MS4A14: variants seen among roughly 807,000 people sequenced by gnomAD.
MS4A14 encodes the protein membrane-spanning 4-domains subfamily A member 14.
In MS4A14, 18 loss-of-function variants were observed where a neutral mutation model predicts 16.7. That is an observed-to-expected ratio of 1.08 (90% CI 0.75 to 1.60). The LOEUF (loss-of-function observed/expected upper bound fraction) is 1.60, where lower values mean the gene tolerates loss of function less well. MS4A14 is among the 40% of genes most tolerant of loss of function. The pLI is 0.00. For synonymous variants in MS4A14, 305 were observed against 289.4 expected, an observed-to-expected ratio of 1.05 and a Z score of -0.55; for missense variants, 812 against 775.3, an observed-to-expected ratio of 1.05 and a Z score of -0.56.
At chr11:60,406,919 G>A (rs1447143851) in intron 4 of MS4A14, among the ~76,000 whole-genome samples, 2 of 144,542 alleles carry the variant, frequency 1.4e-5, no homozygotes, top group Non-Finnish European at 3.0e-5. Flanking sequence ...ACAGAAATAT[G>A]TTTTTGAGAG....
chr11:60,403,127 G>T (rs758334054), intron 4 of MS4A14, 66 bp downstream of exon 4: 2 of 1,496,874 alleles, frequency 1.3e-6, no homozygotes, highest in Non-Finnish European at 9.3e-7. Context: ...ATGATGTAAT[G>T]ATTCACTGAT....
chr11:60,406,154 A>C (rs1430487201), intron 4 of MS4A14, among the ~76,000 whole-genome samples: 1 of 152,200 alleles, frequency 6.6e-6, no homozygotes, highest in Non-Finnish European at 1.5e-5. Context: ...TTAAGATTGA[A>C]GCTCACCCCA....
chr11:60,404,978 A>G (rs147274020), intron 4 of MS4A14, among the ~76,000 whole-genome samples: 100 of 152,318 alleles, frequency 6.6e-4, no homozygotes, highest in African/African-American at 2.2e-3. Flanking sequence ...TTTCAGTTTT[A>G]CCAACAAATA....
chr11:60,401,372 G>A (rs755725791), intron 3 of MS4A14, among the ~76,000 whole-genome samples: 19 of 152,198 alleles, frequency 1.2e-4, no homozygotes, highest in Non-Finnish European at 2.5e-4. Flanking sequence ...GGAAATACAT[G>A]CAGACAATGC....
rs2085652263 is a variant in MS4A14 at position 60,397,887 on chromosome 11, C to T, written c.174C>T (p.Gly58=). The part of the protein sequence containing the change: ...TQILLALIIV[G]FGTIFALNYI... Reference sequence around the variant, plus strand: ...TCCTGCTTGCTCTAATCATTGTGGGCTTTGGAACTATATTTGCACTTAATT... The same window carrying T: ...TCCTGCTTGCTCTAATCATTGTGGGTTTTGGAACTATATTTGCACTTAATT... The change falls in exon 2 of 5, where the codon GGC becomes GGT. Residue 58 remains glycine (G), a synonymous_variant. Transcript: ENST00000300187. 1 of 1,613,050 alleles carries T rather than the reference C, an allele frequency of 6.2e-7. No homozygotes were observed. Among genetic ancestry groups the T allele is most frequent in the Admixed American group, 1.7e-5 (1 of 59,980 alleles).
At chr11:60,399,754 T>A (rs1285904807) in intron 2 of MS4A14, among the ~76,000 whole-genome samples, 1 of 152,016 alleles carries the variant, frequency 6.6e-6, no homozygotes, top group African/African-American at 2.4e-5. Flanking sequence ...GGCAATCCAA[T>A]GTGGGGAGTG....
chr11:60,399,392 A>G (rs1223321365), intron 2 of MS4A14, among the ~76,000 whole-genome samples: 3 of 152,196 alleles, frequency 2.0e-5, no homozygotes, highest in African/African-American at 7.2e-5. Flanking sequence ...AGTAACCAAA[A>G]GAAGACCAAT....
intron 4 of MS4A14, among the ~76,000 whole-genome samples, chr11:60,411,142 G>A (rs993861588): frequency 6.6e-6 from 1 of 152,136 alleles, no homozygotes; most frequent in East Asian, 1.9e-4. Flanking sequence ...CACTGTGCCC[G>A]GCCCTGTATT....
At chr11:60,409,439 T>C (rs2085835187) in intron 4 of MS4A14, among the ~76,000 whole-genome samples, 1 of 152,048 alleles carries the variant, frequency 6.6e-6, no homozygotes, top group Admixed American at 6.6e-5. Context: ...TCAGCCTGGC[T>C]TATTTCACTT....
chr11:60,406,002 C>G, intron 4 of MS4A14: 1 of 1,433,524 alleles, frequency 7.0e-7, no homozygotes, highest in Non-Finnish European at 9.2e-7. Context: ...GTTCTGATGT[C>G]TCTTAATATT....
Position 60,397,932 on chromosome 11 carries a change from A to G in MS4A14, c.219A>G (p.Arg73=), listed in dbSNP as rs1410863811. Reference sequence around the variant, plus strand: ...TTAATTACATCGGTTTCTCCCAAAGACTTCCCCTTGTTGTCCTCACAGGAT... The same window carrying G: ...TTAATTACATCGGTTTCTCCCAAAGGCTTCCCCTTGTTGTCCTCACAGGAT... ...FALNYIGFSQ[R]LPLVVLTGYP... is the part of the protein sequence containing the mutation. The change falls in exon 2 of 5, where the codon AGA becomes AGG. Residue 73 remains arginine (R), a synonymous_variant. Coordinates refer to ENST00000300187, the MANE Select transcript of MS4A14 (RefSeq NM_032597.5). The G allele has an allele frequency of 6.2e-7, 1 of 1,613,576 alleles. No individual in the cohort carries two copies. Among genetic ancestry groups the G allele is most frequent in the Non-Finnish European group, 8.5e-7 (1 of 1,179,704 alleles).
intron 4 of MS4A14, among the ~76,000 whole-genome samples, chr11:60,407,312 C>T (rs954526727): frequency 1.1e-4 from 16 of 152,132 alleles, no homozygotes; most frequent in African/African-American, 3.1e-4. Context: ...TGCGCCACTG[C>T]GCCCAGTCCA....
intron 4 of MS4A14, among the ~76,000 whole-genome samples, chr11:60,406,884 A>G (rs553956313): frequency 6.6e-6 from 1 of 151,676 alleles, no homozygotes; most frequent in African/African-American, 2.4e-5. Context: ...TACTCTCTGT[A>G]TATGGCTTAT....
intron 4 of MS4A14, among the ~76,000 whole-genome samples, chr11:60,412,533 C>A (rs1208903457): frequency 6.6e-6 from 1 of 151,756 alleles, no homozygotes; most frequent in African/African-American, 2.4e-5. Context: ...TTATAGTATT[C>A]TTTTACAATA....
intron 4 of MS4A14, among the ~76,000 whole-genome samples, chr11:60,405,439 C>T (rs1474046141): frequency 6.6e-6 from 1 of 152,160 alleles, no homozygotes; most frequent in Non-Finnish European, 1.5e-5. Flanking sequence ...TTTGAGACAC[C>T]ATAAGGTACC....
chr11:60,409,256 T>A (rs113220121), intron 4 of MS4A14, among the ~76,000 whole-genome samples: 1 of 152,152 alleles, frequency 6.6e-6, no homozygotes, highest in Non-Finnish European at 1.5e-5. Flanking sequence ...CTATAGTAAG[T>A]AAGAACTTAC....
chr11:60,413,573 C>T (rs1206469766), intron 4 of MS4A14, among the ~76,000 whole-genome samples: 1 of 151,884 alleles, frequency 6.6e-6, no homozygotes, highest in Non-Finnish European at 1.5e-5. Context: ...TATTACACAA[C>T]TAGAGGAGAG....
At chr11:60,400,536 G>A (rs1203473748) in intron 3 of MS4A14, 82 bp downstream of exon 3, 5 of 1,007,910 alleles carry the variant, frequency 5.0e-6, no homozygotes, top group Non-Finnish European at 7.3e-6. Context: ...TAGTAATAAA[G>A]TTACCTTTCA....
intron 3 of MS4A14, 109 bp from the exon 4 acceptor site, chr11:60,402,803 T>C: frequency 9.0e-7 from 1 of 1,108,166 alleles, no homozygotes. Context: ...ATGGAACAAC[T>C]CTTCCCTGAG....
Sources: allele counts gnomAD v4.1 joint callset (sites outside exome capture counted in the v4.1 genomes callset), GRCh38; gene constraint gnomAD v4.1.1; transcripts MANE v1.5; gene names NCBI Gene and HGNC (gene_info 2026-07-23, HGNC 2026-07-21).